Variants in FRMD5 observed in about 807,000 individuals in gnomAD.
FRMD5 encodes the protein FERM domain-containing protein 5.
A neutral mutation model predicts 69.0 loss-of-function variants in FRMD5; 20 were observed. That is an observed-to-expected ratio of 0.29 (90% confidence interval 0.20 to 0.42). The LOEUF is 0.42. Among genes scored for constraint, FRMD5 ranks in the 10% least tolerant of loss-of-function variants. FRMD5 has a pLI of 1.00. For synonymous variants in FRMD5, 271 were observed against 260.1 expected (o/e 1.04, Z -0.40); for missense variants, 595 against 708.6 (o/e 0.84, Z 1.82).
At chr15:44,011,431 G>A (rs1890716748) in intron 1 of FRMD5, among the ~76,000 whole-genome samples, 1 of 152,166 alleles carries the variant, frequency 6.6e-6, no homozygotes, top group Admixed American at 6.5e-5. Context: ...CTTGGAGAAT[G>A]CTGATGTCAT....
intron 1 of FRMD5, among the ~76,000 whole-genome samples, chr15:44,015,330 TG>T (rs1164842623): frequency 2.0e-4 from 31 of 152,186 alleles, no homozygotes; most frequent in Admixed American, 1.6e-3. Context: ...TTTACAGAGC[TG>T]GGGTCTCATT....
chr15:44,189,635 T>C (rs1025198526), intron 1 of FRMD5, among the ~76,000 whole-genome samples: 18 of 151,916 alleles, frequency 1.2e-4, no homozygotes, highest in African/African-American at 3.9e-4. Flanking sequence ...ATTACAGGCA[T>C]GTAACAGCAC....
rs375782399 is a variant in FRMD5, at chr15:44,050,180, T to C, written c.103-125871A>G. 3.2e-4 allele frequency among the ~76,000 whole-genome samples: 48 copies of C among 152,350 alleles called. 1 individual carries two copies. The highest frequency in any genetic ancestry group is 1.2e-3 in the African/African-American group (48 of 41,578). ...AGAAGCTTATTACCTTAGTCTGGAA[T>C]ATCAGCTATTCTAGTTTCCATATAA... On this transcript the variant is annotated intron_variant, in intron 1 of 13. Coordinates refer to ENST00000417257, the MANE Select transcript of FRMD5 (RefSeq NM_032892.5).
At chr15:44,058,667 T>G (rs1357231386) in intron 1 of FRMD5, among the ~76,000 whole-genome samples, 1 of 151,570 alleles carries the variant, frequency 6.6e-6, no homozygotes, top group Non-Finnish European at 1.5e-5. Flanking sequence ...GTGCCTGTAG[T>G]CCCAGCTACT....
chr15:43,949,825 A>G (rs918342384), intron 1 of FRMD5, among the ~76,000 whole-genome samples: 1 of 152,206 alleles, frequency 6.6e-6, no homozygotes, highest in African/African-American at 2.4e-5. Flanking sequence ...CATTACAGAC[A>G]GAAGTGATCT....
chr15:44,143,284 T>A (rs1319963269), intron 1 of FRMD5, among the ~76,000 whole-genome samples: 1 of 152,028 alleles, frequency 6.6e-6, no homozygotes, highest in African/African-American at 2.4e-5. Flanking sequence ...TGTAGCCTGC[T>A]TTGAAACTGT....
intron 1 of FRMD5, among the ~76,000 whole-genome samples, chr15:44,034,223 A>C (rs775790124): frequency 6.6e-6 from 1 of 152,230 alleles, no homozygotes; most frequent in Non-Finnish European, 1.5e-5. Context: ...AATGTTGTCT[A>C]CTTGAAAAGT....
At chr15:44,007,846 G>T (rs1225519851) in intron 1 of FRMD5, among the ~76,000 whole-genome samples, 2 of 151,750 alleles carry the variant, frequency 1.3e-5, no homozygotes, top group Admixed American at 6.6e-5. Context: ...GTTTCTCCAT[G>T]TTGGTCAGGC....
chr15:44,041,251 G>A (rs1825950804), intron 1 of FRMD5, among the ~76,000 whole-genome samples: 1 of 152,018 alleles, frequency 6.6e-6, no homozygotes, highest in South Asian at 2.1e-4. Flanking sequence ...AATGATACTG[G>A]GAGACTTTAA....
At chr15:43,879,870 A>C in intron 13 of FRMD5, 1 of 384,184 alleles carries the variant, frequency 2.6e-6, no homozygotes, top group Non-Finnish European at 4.6e-6. Flanking sequence ...CAAGCTTCAC[A>C]TCAGGCTGAA....
At chr15:44,071,222 C>A (rs1244869393) in intron 1 of FRMD5, among the ~76,000 whole-genome samples, 1 of 152,144 alleles carries the variant, frequency 6.6e-6, no homozygotes, top group East Asian at 1.9e-4. Context: ...TTGGTGCCTT[C>A]CTCTGAGTAC....
chr15:44,068,926 A>C (rs1323276306), intron 1 of FRMD5, among the ~76,000 whole-genome samples: 2 of 152,204 alleles, frequency 1.3e-5, no homozygotes, highest in Non-Finnish European at 2.9e-5. Context: ...CAAGGAATGA[A>C]TAGCACATTG....
At chr15:44,148,428 C>T (rs1253371730) in intron 1 of FRMD5, among the ~76,000 whole-genome samples, 2 of 152,086 alleles carry the variant, frequency 1.3e-5, no homozygotes, top group African/African-American at 2.4e-5. Context: ...CCCGCCACAA[C>T]GCCCGGCTAA....
intron 7 of FRMD5, among the ~76,000 whole-genome samples, chr15:43,895,877 C>T (rs1004101898): frequency 2.0e-5 from 3 of 152,184 alleles, no homozygotes; most frequent in African/African-American, 7.2e-5. Context: ...GGAACTTCTC[C>T]AGATTCTTCT....
intron 12 of FRMD5, among the ~76,000 whole-genome samples, chr15:43,884,231 G>A (rs963152713): frequency 6.6e-6 from 1 of 152,196 alleles, no homozygotes; most frequent in Admixed American, 6.5e-5. Context: ...CTTCCCAGAG[G>A]CAAAGGCTGG....
chr15:44,048,506 G>A (rs1317287379), intron 1 of FRMD5, among the ~76,000 whole-genome samples: 1 of 151,924 alleles, frequency 6.6e-6, no homozygotes. Flanking sequence ...CATTTTGTGG[G>A]TTGTCTTTTT....
Position 43,873,052 on chromosome 15 carries a change from C to A in FRMD5, c.*833G>T. 1 of 847,474 alleles carries A rather than the reference C, an allele frequency of 1.2e-6. No individual in the cohort carries two copies. The highest frequency in any genetic ancestry group is 1.9e-6 in the Non-Finnish European group (1 of 530,908). 52.5% of individuals were successfully genotyped at this position (847,474 alleles called of 1,614,324 possible). On this transcript the variant is annotated 3_prime_UTR_variant, in exon 14 of 14. Coordinates refer to ENST00000417257, the MANE Select transcript of FRMD5 (RefSeq NM_032892.5). ...GGTACCACTGAATTCGTTTAACGCC[C>A]CTGGAGCACTATAAAAGTCTTGAGG... is the stretch of plus-strand genomic sequence containing the variant.
At chr15:43,992,188 T>G (rs779886612) in intron 1 of FRMD5, among the ~76,000 whole-genome samples, 1 of 152,152 alleles carries the variant, frequency 6.6e-6, no homozygotes, top group South Asian at 2.1e-4. Flanking sequence ...AAACTTCCAG[T>G]TGGAGATTGT....
intron 1 of FRMD5, among the ~76,000 whole-genome samples, chr15:43,939,907 C>T (rs1168829165): frequency 1.3e-5 from 2 of 152,138 alleles, no homozygotes; most frequent in African/African-American, 2.4e-5. Flanking sequence ...AAGCACCAGG[C>T]GCGGTGGCTC....
Sources: allele counts gnomAD v4.1 joint callset (sites outside exome capture counted in the v4.1 genomes callset), GRCh38; gene constraint gnomAD v4.1.1; transcripts MANE v1.5; gene names NCBI Gene and HGNC (gene_info 2026-07-23, HGNC 2026-07-21).